The following COQ8A variants were observed in gnomAD, a reference collection of about 807,000 sequenced individuals.
COQ8A encodes the protein atypical kinase COQ8A, mitochondrial.
A neutral mutation model predicts 65.0 loss-of-function variants in COQ8A; 51 were observed. The observed-to-expected ratio is 0.78, with a 90% confidence interval of 0.63 to 0.99. COQ8A has a LOEUF of 0.99. Among genes scored for constraint, COQ8A ranks in the 50% least tolerant of loss-of-function variants. The probability of loss-of-function intolerance (pLI) is 0.00; values close to 1 mark genes in which losing one functional copy is unlikely to be tolerated. For missense variants in COQ8A, 940 were observed against 875.0 expected, an observed-to-expected ratio of 1.07 and a Z score of -0.94; for synonymous variants, 371 against 353.2, an observed-to-expected ratio of 1.05 and a Z score of -0.57.
Position 226,982,668 on chromosome 1 carries a change from T to C in COQ8A, c.854-10T>C. ...CCAGGTTCGCCCTGTGTCATTCTCCTGCCTTCCAGATGATGCCTTTATCAA... is the reference window on the plus strand; with the variant it reads ...CCAGGTTCGCCCTGTGTCATTCTCCCGCCTTCCAGATGATGCCTTTATCAA... On this transcript the variant is annotated splice_polypyrimidine_tract_variant and intron_variant, in intron 6 of 14. Transcript: ENST00000366777. 1 of 1,612,872 alleles carries C rather than the reference T, an allele frequency of 6.2e-7. No individual in the cohort carries two copies. The highest frequency in any genetic ancestry group is 8.5e-7 in the Non-Finnish European group (1 of 1,179,934).
At position 226,977,505 on chromosome 1, in the gene COQ8A, C is replaced by T. The variant is rs770452638; in HGVS notation, c.712C>T (p.Arg238Cys). Residue 238 changes from arginine to cysteine, a missense_variant, in exon 5 of 15, where the codon CGC (arginine) becomes TGC (cysteine). By Grantham distance (180) the Arg-to-Cys change is radical. Coordinates refer to ENST00000366777, the MANE Select transcript of COQ8A (RefSeq NM_020247.5). ...ALAEVAKKSL[R>C]SEDPSGKKAV... Reference sequence around the variant, plus strand: ...GGCAGAGGTCGCCAAGAAGAGCCTGCGCTCCGAGGACCCCTCAGGTGAGCC... The same window carrying T: ...GGCAGAGGTCGCCAAGAAGAGCCTGTGCTCCGAGGACCCCTCAGGTGAGCC... The T allele has an allele frequency of 4.9e-5, 77 of 1,563,672 alleles. No individual in the cohort carries two copies. The highest frequency in any genetic ancestry group is 6.1e-5 in the Non-Finnish European group (70 of 1,154,086).
chr1:226,985,593 A>T (rs1369340310), intron 14 of COQ8A, among the ~76,000 whole-genome samples: 1 of 152,164 alleles, frequency 6.6e-6, no homozygotes, highest in African/African-American at 2.4e-5. Flanking sequence ...TTGCCCACTT[A>T]GGGCTTGGGG....
chr1:226,977,485 A>C lies in COQ8A; in HGVS notation c.692A>C (p.Glu231Ala), dbSNP rs758056759. ...AVGLGFGALA[E>A]VAKKSLRSED... The stretch of plus-strand genomic sequence containing the variant: ...GGCCTGGGCTTCGGGGCACTGGCAG[A>C]GGTCGCCAAGAAGAGCCTGCGCTCC... Residue 231 changes from glutamate (E) to alanine (A), a missense_variant, in exon 5 of 15, where the codon GAG (glutamate) becomes GCG (alanine). By Grantham distance (107) the Glu-to-Ala change is moderately radical. Transcript: ENST00000366777. The C allele has an allele frequency of 1.9e-6, 3 of 1,567,610 alleles. No homozygotes were observed. Among genetic ancestry groups the C allele is most frequent in the African/African-American group, 2.7e-5 (2 of 74,318 alleles).
chr1:226,983,059 T>C, intron 8 of COQ8A, 25 bp downstream of exon 8: 1 of 1,569,246 alleles, frequency 6.4e-7, no homozygotes, highest in Non-Finnish European at 8.6e-7. Context: ...GCGCAGTGCC[T>C]GTCCCTATGG....
At chr1:226,978,025 C>T (rs1407601235) in intron 5 of COQ8A, among the ~76,000 whole-genome samples, 1 of 147,824 alleles carries the variant, frequency 6.8e-6, no homozygotes, top group Non-Finnish European at 1.5e-5. Context: ...CACCGAACAC[C>T]CACAGACCTT....
intron 4 of COQ8A, among the ~76,000 whole-genome samples, chr1:226,967,576 G>C (rs928340832): frequency 2.6e-5 from 4 of 152,220 alleles, no homozygotes; most frequent in African/African-American, 9.7e-5. Context: ...AGACCCTTTT[G>C]GGTGACGGGT....
At position 226,949,066 on chromosome 1, in the gene COQ8A, A is replaced by C. The variant is rs1016899938; in HGVS notation, c.-10+8667A>C. Among the ~76,000 whole-genome samples the C allele has an allele frequency of 1.3e-4, 19 of 151,986 alleles. No homozygotes were observed. The highest frequency in any genetic ancestry group is 4.6e-4 in the African/African-American group (19 of 41,404). ...CAGGGCAGAGCTGATTCCCAGCCCC[A>C]AGGCCCCAAGGCCCTCACCCTTGGC... On this transcript the variant is annotated intron_variant, in intron 1 of 14. Transcript: ENST00000366777. The surrounding 1 kb of genome is among the most constrained non-coding windows in gnomAD (Gnocchi z 4.0).
At chr1:226,985,129 GC>G in intron 13 of COQ8A, 124 bp from the exon 14 acceptor site, 1 of 1,299,406 alleles carries the variant, frequency 7.7e-7, no homozygotes, top group Non-Finnish European at 1.1e-6. Flanking sequence ...CACAGCACTG[GC>G]CGGGGGCCCT....
chr1:226,982,555 C>T (rs531919106), intron 6 of COQ8A, 123 bp from the exon 7 acceptor site: 70 of 1,071,690 alleles, frequency 6.5e-5, no homozygotes, highest in Middle Eastern at 2.9e-4. Context: ...GTCTTTCTGG[C>T]CTCACCCGTG....
chr1:226,986,835 T>A lies in COQ8A; in HGVS notation c.*98T>A. The A allele has an allele frequency of 6.8e-7, 1 of 1,461,668 alleles. No homozygotes were observed. The highest frequency in any genetic ancestry group is 1.2e-5 in the South Asian group (1 of 82,002). The allele number at this position is 1,461,668 out of a possible 1,614,324, so 90.5% of individuals were successfully genotyped here. A position where few individuals can be genotyped will look rare whatever the true frequency, so the allele number is the denominator to read the frequency against. ...TCGTGGTGATGCTCTTTTTAACTCC[T>A]TTGCCCAATAAGGGGGGTGGCTGCC... On this transcript the variant is annotated 3_prime_UTR_variant, in exon 15 of 15. Transcript: ENST00000366777.
At chr1:226,963,436 AC>A (rs139213109) in intron 2 of COQ8A, among the ~76,000 whole-genome samples, 9,720 of 151,172 alleles carry the variant, frequency 0.064, 501 homozygotes, top group East Asian at 0.25. Flanking sequence ...GGCCCTGGGG[AC>A]CCCCCCACTG....
intron 4 of COQ8A, 24 bp from the exon 5 acceptor site, chr1:226,977,425 G>A: frequency 4.5e-6 from 7 of 1,550,510 alleles, no homozygotes; most frequent in Non-Finnish European, 1.7e-6. Context: ...TGAGCACTGA[G>A]TGCCCGCCCC....
rs1227047681 is a variant in COQ8A, at chr1:226,972,317, CAAT to C, written c.656-5127_656-5125del. On this transcript the variant is annotated intron_variant, in intron 4 of 14. Coordinates refer to ENST00000366777, the MANE Select transcript of COQ8A (RefSeq NM_020247.5). The surrounding 1 kb of genome is among the most constrained non-coding windows in gnomAD (Gnocchi z 4.3). ...AAACAAAAAGTAAAGAAAGAGGAAGCAATAATATTATTTGATTCTGTGTAGAAA... is the reference window on the plus strand; with the variant it reads ...AAACAAAAAGTAAAGAAAGAGGAAGCAATATTATTTGATTCTGTGTAGAAA... 6.6e-6 allele frequency among the ~76,000 whole-genome samples: 1 copy of C among 151,910 alleles called. No homozygotes were observed. Among genetic ancestry groups the C allele is most frequent in the East Asian group, 1.9e-4 (1 of 5,174 alleles).
chr1:226,954,516 G>A (rs1657572996), intron 1 of COQ8A, among the ~76,000 whole-genome samples: 1 of 152,372 alleles, frequency 6.6e-6, no homozygotes, highest in African/African-American at 2.4e-5. Flanking sequence ...GGAACCCTTA[G>A]GGGTGTGGCC....
chr1:226,982,007 CCCCTCTTGCCCG>C lies in COQ8A; in HGVS notation c.731-16_731-5del. On this transcript the variant is annotated splice_polypyrimidine_tract_variant and splice_region_variant and intron_variant, in intron 5 of 14. Transcript: ENST00000366777. ...CAGACCCCCCCGAGTGCCGTGGTGA[CCCCTCTTGCCCG>C]CCCACAGGGAAGAAGGCCGTGCTGG... The C allele has an allele frequency of 6.2e-7, 1 of 1,612,872 alleles. No individual in the cohort carries two copies. The highest frequency in any genetic ancestry group is 1.3e-5 in the African/African-American group (1 of 75,046).
chr1:226,970,647 G>A (rs924939042), intron 4 of COQ8A, among the ~76,000 whole-genome samples: 1 of 152,060 alleles, frequency 6.6e-6, no homozygotes, highest in Non-Finnish European at 1.5e-5. Context: ...ATTACAGCAC[G>A]CATCTTGACT....
chr1:226,960,410 G>GCTGGTGGT (rs1658141793), intron 1 of COQ8A, among the ~76,000 whole-genome samples: 1 of 137,856 alleles, frequency 7.3e-6, no homozygotes, highest in African/African-American at 2.5e-5. Context: ...ACTTGGTGGT[G>GCTGGTGGT]GCGGTGGTAC....
In COQ8A at chr1:226,981,915, G is replaced by A. The variant is rs148004247; in HGVS notation, c.731-112G>A. ...AGTTAGTTATGTTGCTGGTTTTATG[G>A]ACGCCTGGGAGGAAGGACATTGTCT... On this transcript the variant is annotated intron_variant, in intron 5 of 14. Transcript: ENST00000366777. 65 of 1,517,780 alleles carry A rather than the reference G, an allele frequency of 4.3e-5. No homozygotes were observed. In the Middle Eastern group the frequency reaches 6.8e-4, roughly 16 times the overall value. 94.0% of individuals were successfully genotyped at this position (1,517,780 alleles called of 1,614,324 possible).
At chr1:226,944,916 G>T (rs564874460) in intron 1 of COQ8A, among the ~76,000 whole-genome samples, 1 of 152,264 alleles carries the variant, frequency 6.6e-6, no homozygotes, top group East Asian at 1.9e-4. Flanking sequence ...CCAGAGGTGT[G>T]TTTCCTGAGA....
Sources: gnomAD v4.1 joint callset for allele counts (sites outside exome capture counted in the v4.1 genomes callset) on GRCh38, gnomAD v4.1.1 for gene constraint, Gnocchi (gnomAD v3.1) non-coding constraint, MANE v1.5 for transcripts, NCBI Gene and HGNC (gene_info 2026-07-23, HGNC 2026-07-21) for gene names.